Variants in PREP observed in about 807,000 individuals in gnomAD.
PREP encodes prolyl endopeptidase.
In PREP, 29 loss-of-function variants were observed where a neutral mutation model predicts 87.6. The observed-to-expected ratio is 0.33, with a 90% CI of 0.25 to 0.45. The LOEUF (loss-of-function observed/expected upper bound fraction) is 0.45. Ranked by LOEUF, PREP falls within the 20% of genes least tolerant of loss-of-function variation. The pLI is 1.00. For missense variants in PREP, 695 were observed against 886.5 expected, an observed-to-expected ratio of 0.78 and a Z score of 2.74; for synonymous variants, 337 against 328.6, an observed-to-expected ratio of 1.03 and a Z score of -0.28.
At chr6:105,331,235 G>C (rs183511303) in intron 8 of PREP, among the ~76,000 whole-genome samples, 142 of 152,226 alleles carry the variant, frequency 9.3e-4, no homozygotes, top group Admixed American at 3.3e-3. Flanking sequence ...ATGAGTTCTA[G>C]TGAACACTGA....
chr6:105,400,144 A>G (rs939211270), intron 1 of PREP, among the ~76,000 whole-genome samples: 5 of 152,210 alleles, frequency 3.3e-5, no homozygotes, highest in African/African-American at 9.7e-5. Context: ...CCTACAAATG[A>G]GGTGGATGTG....
chr6:105,289,490 A>G (rs1457370693), intron 10 of PREP, among the ~76,000 whole-genome samples: 1 of 152,192 alleles, frequency 6.6e-6, no homozygotes, highest in Non-Finnish European at 1.5e-5. Context: ...TAGAAATCCT[A>G]TTATTCCTGG....
chr6:105,297,584 C>G (rs1269207417), intron 10 of PREP, among the ~76,000 whole-genome samples: 4 of 152,214 alleles, frequency 2.6e-5, no homozygotes, highest in Admixed American at 2.6e-4. Context: ...TGAGTGTCCA[C>G]TGTGCACACA....
rs1240041594 is a variant in PREP at position 105,282,462 on chromosome 6, C to T, written c.1670G>A (p.Gly557Asp). The change falls in exon 13 of 15, where the codon GGC becomes GAC. Residue 557 changes from glycine to aspartate, a missense_variant. This residue lies in a region of PREP where 20 missense variants were observed against 58.9 expected (regional missense o/e 0.34). Transcript: ENST00000652536. ...AATCCAGTACTCACCCACTAAGAGG[C>T]CTCCATTTGAACCTCCATTAATAGT... ...RLTINGGSNG[G>D]LLVAACANQR... The T allele has an allele frequency of 5.0e-6, 8 of 1,613,718 alleles. No homozygotes were observed. Among genetic ancestry groups the T allele is most frequent in the Non-Finnish European group, 5.9e-6 (7 of 1,179,906 alleles).
In PREP at chr6:105,276,611, A is replaced by G. The variant is rs1008976759; in HGVS notation, c.*1533T>C. 9.9e-5 allele frequency among the ~76,000 whole-genome samples: 15 copies of G among 152,232 alleles called. No homozygotes were observed. The highest frequency in any genetic ancestry group is 3.6e-4 in the African/African-American group (15 of 41,466). On this transcript the variant is annotated 3_prime_UTR_variant, in exon 15 of 15. Coordinates refer to ENST00000652536, the MANE Select transcript of PREP (RefSeq NM_002726.5). ...TGATGACGACAGAGTCTCAGCATGCAACACTAGCTACTGGCACACTTTGTT... is the reference window on the plus strand; with the variant it reads ...TGATGACGACAGAGTCTCAGCATGCGACACTAGCTACTGGCACACTTTGTT...
chr6:105,344,481 G>C (rs867963881), intron 7 of PREP, among the ~76,000 whole-genome samples: 2 of 139,470 alleles, frequency 1.4e-5, no homozygotes, highest in South Asian at 2.3e-4. Flanking sequence ...GATAGAGTGA[G>C]ACTCCGTCTC....
chr6:105,297,989 C>A (rs986509031), intron 10 of PREP, among the ~76,000 whole-genome samples: 2 of 152,236 alleles, frequency 1.3e-5, no homozygotes, highest in Non-Finnish European at 2.9e-5. Flanking sequence ...CCAAACATTA[C>A]GACAGTGATT....
intron 10 of PREP, among the ~76,000 whole-genome samples, chr6:105,314,215 G>A (rs1583049857): frequency 6.6e-6 from 1 of 152,184 alleles, no homozygotes; most frequent in East Asian, 1.9e-4. Context: ...TTTTTCTGGT[G>A]GAGGGGTATC....
chr6:105,334,083 T>C (rs537662008), intron 7 of PREP, among the ~76,000 whole-genome samples: 1 of 152,348 alleles, frequency 6.6e-6, no homozygotes, highest in East Asian at 1.9e-4. Context: ...TCTTGGTCTA[T>C]AGCATTAGCT....
chr6:105,283,003 T>C (rs7746535), intron 12 of PREP, among the ~76,000 whole-genome samples: 1,887 of 152,322 alleles, frequency 0.012, 37 homozygotes, highest in African/African-American at 0.044. Context: ...GAGCCGGAGC[T>C]GGCTGTGGGA....
intron 11 of PREP, among the ~76,000 whole-genome samples, chr6:105,286,154 TAAAC>T (rs1278413623): frequency 2.0e-5 from 3 of 152,200 alleles, no homozygotes; most frequent in African/African-American, 4.8e-5. Flanking sequence ...ATTCATAATA[TAAAC>T]AAACAGAGAA....
At chr6:105,370,206 C>T (rs957566070) in intron 5 of PREP, among the ~76,000 whole-genome samples, 32 of 150,566 alleles carry the variant, frequency 2.1e-4, no homozygotes, top group East Asian at 5.9e-4. Context: ...GCTGAGATTA[C>T]GCCACTGCAC....
chr6:105,400,211 A>G (rs1773389913), intron 1 of PREP, among the ~76,000 whole-genome samples: 1 of 152,182 alleles, frequency 6.6e-6, no homozygotes, highest in Non-Finnish European at 1.5e-5. Flanking sequence ...TTTGCTAATC[A>G]TTCTTGATCT....
At position 105,288,835 on chromosome 6, in the gene PREP, G is replaced by A; in HGVS notation, c.1377C>T (p.Gly459=). ...CTGGATGAGAGCCATCCAATTTTAT[G>A]CCTTTTTTATGCACAATGAACATTG... ...KIPMFIVHKK[G]IKLDGSHPAF... The change falls in exon 11 of 15, where the codon GGC becomes GGT. Residue 459 remains glycine, a synonymous_variant. Transcript: ENST00000652536. The A allele has an allele frequency of 6.2e-7, 1 of 1,613,828 alleles. No homozygotes were observed. The highest frequency in any genetic ancestry group is 2.2e-5 in the East Asian group (1 of 44,880).
intron 7 of PREP, among the ~76,000 whole-genome samples, chr6:105,350,901 A>C (rs1771932220): frequency 6.6e-6 from 1 of 152,230 alleles, no homozygotes; most frequent in African/African-American, 2.4e-5. Context: ...ATGCTGATCC[A>C]ATTCATCAGT....
Position 105,278,265 on chromosome 6 carries a change from A to C in PREP, c.2012T>G (p.Leu671Arg). 6.2e-7 allele frequency: 1 copy of C among 1,614,216 alleles called. No individual in the cohort carries two copies. The highest frequency in any genetic ancestry group is 8.5e-7 in the Non-Finnish European group (1 of 1,180,044). The change falls in exon 15 of 15, where the codon CTT becomes CGT. Residue 671 changes from leucine (L) to arginine (R), a missense_variant. Physicochemically the swap from Leu to Arg is moderately radical, Grantham distance 102. Coordinates refer to ENST00000652536, the MANE Select transcript of PREP (RefSeq NM_002726.5). The surrounding 1 kb of genome is among the most constrained non-coding windows in gnomAD (Gnocchi z 4.2). ...GRSRKQSNPL[L>R]IHVDTKAGHG... ...GCCCGCCTTGGTGTCCACGTGGATA[A>C]GCAGGGGGTTGCTTTGCTTCCTGCT...
chr6:105,381,400 T>A, intron 2 of PREP, among the ~76,000 whole-genome samples: 1 of 151,942 alleles, frequency 6.6e-6, no homozygotes, highest in East Asian at 1.9e-4. Context: ...AGGTATATCA[T>A]CTTGGTTGAT....
intron 10 of PREP, among the ~76,000 whole-genome samples, chr6:105,292,192 G>A (rs1770310926): frequency 6.6e-6 from 1 of 152,136 alleles, no homozygotes. Context: ...CTAGAATGGT[G>A]AATCCTTTCT....
rs749071909 is a variant in PREP, at chr6:105,377,465, T to C, written c.175A>G (p.Ile59Val). Residue 59 changes from isoleucine (I) to valine (V), a missense_variant, in exon 3 of 15, where the codon ATC becomes GTC. By Grantham distance (29) the Ile-to-Val change is conservative. Coordinates refer to ENST00000652536, the MANE Select transcript of PREP (RefSeq NM_002726.5). Reference sequence around the variant, plus strand: ...ATTCTCTCTTTGTATAAACCTCTGATGGGACACTGCTCAAGAAATGGCACA... The same window carrying C: ...ATTCTCTCTTTGTATAAACCTCTGACGGGACACTGCTCAAGAAATGGCACA... ...ITVPFLEQCP[I>V]RGLYKERMTE... 1.9e-6 allele frequency: 3 copies of C among 1,613,710 alleles called. No individual in the cohort carries two copies. The highest frequency in any genetic ancestry group is 1.7e-5 in the Admixed American group (1 of 60,020).
Sources: allele counts gnomAD v4.1 joint callset (sites outside exome capture counted in the v4.1 genomes callset), GRCh38; gene constraint gnomAD v4.1.1; regional missense constraint gnomAD v4.1.1; non-coding constraint Gnocchi (gnomAD v3.1); transcripts MANE v1.5; gene names NCBI Gene and HGNC (gene_info 2026-07-23, HGNC 2026-07-21).